The following SLC25A44 variants were observed in gnomAD, a reference collection of about 807,000 sequenced individuals.
SLC25A44 encodes the protein solute carrier family 25, member 44.
Under a neutral mutation model 29.9 loss-of-function variants are expected in SLC25A44, and 17 were observed. That is an observed-to-expected ratio of 0.57 (90% confidence interval 0.39 to 0.85). SLC25A44 has a LOEUF of 0.85. Among genes scored for constraint, SLC25A44 ranks in the 40% least tolerant of loss-of-function variants. SLC25A44 has a pLI of 0.00. For synonymous variants in SLC25A44, 140 were observed against 151.8 expected (o/e 0.92, Z 0.57); for missense variants, 302 against 398.4 (o/e 0.76, Z 2.06).
intron 1 of SLC25A44, among the ~76,000 whole-genome samples, chr1:156,195,440 G>A (rs1163171760): frequency 6.6e-6 from 1 of 152,154 alleles, no homozygotes; most frequent in African/African-American, 2.4e-5. Flanking sequence ...GAGGCTCAAA[G>A]GCTCAAATGC....
intron 3 of SLC25A44, among the ~76,000 whole-genome samples, chr1:156,209,124 G>GCCC (rs1657136536): frequency 6.6e-6 from 1 of 152,132 alleles, no homozygotes; most frequent in Non-Finnish European, 1.5e-5. Flanking sequence ...AGGAAAGAAT[G>GCCC]CCCCCTCATT....
rs777041205 is a variant in SLC25A44, at chr1:156,212,329, G to T, written c.*1898G>T. 1 of 152,324 alleles carries T rather than the reference G, an allele frequency of 6.6e-6. No homozygotes were observed. Among genetic ancestry groups the T allele is most frequent in the Non-Finnish European group, 1.5e-5 (1 of 68,042 alleles). The allele number at this position is 152,324 out of a possible 1,614,324, so 9.4% of individuals were successfully genotyped here. A position where few individuals can be genotyped will look rare whatever the true frequency, so the allele number is the denominator to read the frequency against. On this transcript the variant is annotated 3_prime_UTR_variant, in exon 4 of 4. Transcript: ENST00000359511. ...GGAAGGTGTCAATGGGGAGTGTCACGGACAGGAGGTAGGATCCTGCCGCTC... is the reference window on the plus strand; with the variant it reads ...GGAAGGTGTCAATGGGGAGTGTCACTGACAGGAGGTAGGATCCTGCCGCTC...
At position 156,199,833 on chromosome 1, in the gene SLC25A44, A is replaced by T. The variant is rs536282253; in HGVS notation, c.-13-2A>T. 6.2e-6 allele frequency: 10 copies of T among 1,607,578 alleles called. No individual in the cohort carries two copies. In the South Asian group the frequency reaches 1.0e-4, roughly 16 times the overall value. On this transcript the variant is annotated splice_acceptor_variant, in intron 1 of 3. Transcript: ENST00000359511. LOFTEE classifies it low-confidence loss of function (5UTR_SPLICE). ...CATCCCTCCATACTGCTCAAATCCC[A>T]GGTCTTCAGGCACCATGGAGGACAA...
intron 1 of SLC25A44, among the ~76,000 whole-genome samples, chr1:156,195,107 T>TC (rs1236066798): frequency 6.6e-6 from 1 of 150,686 alleles, no homozygotes; most frequent in Non-Finnish European, 1.5e-5. Flanking sequence ...CAGCTCTATT[T>TC]TTTTTTTTTT....
intron 3 of SLC25A44, among the ~76,000 whole-genome samples, chr1:156,208,441 T>C (rs939975723): frequency 2.0e-5 from 3 of 152,092 alleles, no homozygotes; most frequent in Admixed American, 2.0e-4. Flanking sequence ...CACTCCAGCC[T>C]GGGTGACAGA....
chr1:156,210,127 A>T, intron 3 of SLC25A44, 113 bp from the exon 4 acceptor site: 1 of 716,434 alleles, frequency 1.4e-6, no homozygotes, highest in Non-Finnish European at 2.3e-6. Flanking sequence ...AGCAGAATCC[A>T]CACCTTCCGA....
At chr1:156,208,069 C>T in intron 3 of SLC25A44, 56 bp downstream of exon 3, 1 of 1,526,380 alleles carries the variant, frequency 6.6e-7, no homozygotes, top group Non-Finnish European at 9.1e-7. Context: ...GAAGCATGAC[C>T]TTCAAGCCCT....
chr1:156,199,717 G>GTC, intron 1 of SLC25A44, 118 bp from the exon 2 acceptor site: 1 of 794,832 alleles, frequency 1.3e-6, no homozygotes, highest in South Asian at 1.8e-5. Flanking sequence ...CCAAGCTTTG[G>GTC]GCAGGTGAGT....
chr1:156,194,726 A>C (rs1019055967), intron 1 of SLC25A44, among the ~76,000 whole-genome samples: 1 of 152,198 alleles, frequency 6.6e-6, no homozygotes, highest in Non-Finnish European at 1.5e-5. Flanking sequence ...ATTCACGTTC[A>C]TGTGGTAGAT....
intron 1 of SLC25A44, among the ~76,000 whole-genome samples, chr1:156,195,290 A>C (rs778668386): frequency 9.2e-5 from 14 of 152,032 alleles, no homozygotes; most frequent in Non-Finnish European, 1.6e-4. Flanking sequence ...TTTTTAGTAG[A>C]GACGGGGTTT....
At position 156,212,761 on chromosome 1, in the gene SLC25A44, C is replaced by T. The variant is rs1418936135; in HGVS notation, c.*2330C>T. 3 of 528,234 alleles carry T rather than the reference C, an allele frequency of 5.7e-6. No individual in the cohort carries two copies. Among genetic ancestry groups the T allele is most frequent in the Non-Finnish European group, 3.4e-6 (1 of 293,846 alleles). 32.7% of individuals were successfully genotyped at this position (528,234 alleles called of 1,614,324 possible). On this transcript the variant is annotated 3_prime_UTR_variant, in exon 4 of 4. Coordinates refer to ENST00000359511, the MANE Select transcript of SLC25A44 (RefSeq NM_014655.4). The stretch of plus-strand genomic sequence containing the variant: ...TTCACTGTTGCACTGTACGAAGTCT[C>T]TGAAATGTAATTAAAAGTTTTTATT...
intron 3 of SLC25A44, among the ~76,000 whole-genome samples, chr1:156,208,400 T>C (rs1339674713): frequency 6.6e-6 from 1 of 151,912 alleles, no homozygotes; most frequent in Non-Finnish European, 1.5e-5. Context: ...CCCAGAGGTG[T>C]AGGTTGCATT....
rs754531222 is a variant in SLC25A44, at chr1:156,200,141, G to T, written c.294G>T (p.Arg98=). The change falls in exon 2 of 4, where the codon CGG becomes CGT. Residue 98 remains arginine (R), a synonymous_variant. Transcript: ENST00000359511. Reference sequence around the variant, plus strand: ...ATGTCACCACTTATGAGCTCACCCGGAAGTTTGTAGCTGACTACAGCCAGA... The same window carrying T: ...ATGTCACCACTTATGAGCTCACCCGTAAGTTTGTAGCTGACTACAGCCAGA... ...QCYVTTYELT[R]KFVADYSQSN... is the part of the protein sequence containing the mutation. 1.2e-6 allele frequency: 2 copies of T among 1,614,146 alleles called. No individual in the cohort carries two copies. The highest frequency in any genetic ancestry group is 1.7e-6 in the Non-Finnish European group (2 of 1,180,028).
intron 1 of SLC25A44, among the ~76,000 whole-genome samples, chr1:156,195,104 AT>A (rs1191256706): frequency 8.0e-3 from 1,089 of 136,736 alleles, no homozygotes; most frequent in Middle Eastern, 0.011. Flanking sequence ...CTACAGCTCT[AT>A]TTTTTTTTTT....
chr1:156,208,096 CTCT>C, intron 3 of SLC25A44, 83 bp downstream of exon 3: 2 of 1,229,078 alleles, frequency 1.6e-6, no homozygotes, highest in Non-Finnish European at 2.4e-6. Flanking sequence ...TTGCCCTGAC[CTCT>C]TTGTGTCCTG....
In SLC25A44 at chr1:156,200,148, G is replaced by C; in HGVS notation, c.301G>C (p.Val101Leu). Residue 101 changes from valine to leucine, a missense_variant, in exon 2 of 4, where the codon GTA becomes CTA. Transcript: ENST00000359511. ...VTTYELTRKF[V>L]ADYSQSNTVK... ...CACTTATGAGCTCACCCGGAAGTTTGTAGCTGACTACAGCCAGAGTAACAC... is the reference window on the plus strand; with the variant it reads ...CACTTATGAGCTCACCCGGAAGTTTCTAGCTGACTACAGCCAGAGTAACAC... 1 of 1,614,162 alleles carries C rather than the reference G, an allele frequency of 6.2e-7. No homozygotes were observed.
chr1:156,211,056 T>TGTGTG lies in SLC25A44; in HGVS notation c.*625_*626insGTGTG, dbSNP rs1657274475. ...TGGGAGAAATGTTGATACTTTTGTT[T>TGTGTG]TGTGTGTGTGTGTGTGTGTGTGTGT... is the stretch of plus-strand genomic sequence containing the variant. On this transcript the variant is annotated 3_prime_UTR_variant, in exon 4 of 4. Transcript: ENST00000359511. 7.2e-6 allele frequency: 1 copy of TGTGTG among 138,864 alleles called. No individual in the cohort carries two copies. The highest frequency in any genetic ancestry group is 2.2e-4 in the East Asian group (1 of 4,636). The allele number at this position is 138,864 out of a possible 1,614,324, so 8.6% of individuals were successfully genotyped here.
rs765157903 is a variant in SLC25A44, at chr1:156,199,967, C to T, written c.120C>T (p.Leu40=). 2 of 1,614,232 alleles carry T rather than the reference C, an allele frequency of 1.2e-6. No individual in the cohort carries two copies. The highest frequency in any genetic ancestry group is 8.5e-7 in the Non-Finnish European group (1 of 1,180,028). ...GTGTCAGTGTCTACCCATTCACCCT[C>T]ATCCGCACCCGGTTGCAAGTTCAGA... is the stretch of plus-strand genomic sequence containing the variant. ...MIRVSVYPFT[L]IRTRLQVQKG... is the part of the protein sequence containing the mutation. The change falls in exon 2 of 4, where the codon CTC becomes CTT. Residue 40 remains leucine (L), a synonymous_variant. Transcript: ENST00000359511.
chr1:156,194,602 C>A (rs1160502964), intron 1 of SLC25A44, among the ~76,000 whole-genome samples: 1 of 152,252 alleles, frequency 6.6e-6, no homozygotes, highest in Non-Finnish European at 1.5e-5. Flanking sequence ...GTGGGAATCT[C>A]ACCATGTCCG....
Sources: allele counts gnomAD v4.1 joint callset (sites outside exome capture counted in the v4.1 genomes callset), GRCh38; gene constraint gnomAD v4.1.1; transcripts MANE v1.5; gene names NCBI Gene and HGNC (gene_info 2026-07-23, HGNC 2026-07-21).